Variants in STK3 observed in about 807,000 individuals in gnomAD.
STK3 encodes serine/threonine kinase 3.
Under a neutral mutation model 58.0 loss-of-function variants are expected in STK3, and 41 were observed. The observed-to-expected ratio is 0.71, with a 90% CI of 0.55 to 0.92. The LOEUF (loss-of-function observed/expected upper bound fraction) is 0.92, where lower values mean the gene tolerates loss of function less well. Ranked by LOEUF, STK3 falls within the 40% of genes least tolerant of loss-of-function variation. The probability of loss-of-function intolerance (pLI) is 0.00; values close to 1 mark genes in which losing one functional copy is unlikely to be tolerated. For synonymous variants in STK3, 170 were observed against 191.0 expected (o/e 0.89, Z 0.91); for missense variants, 479 against 602.7 (o/e 0.79, Z 2.15).
chr8:98,658,945 T>A (rs1230331939), intron 6 of STK3, among the ~76,000 whole-genome samples: 1 of 152,102 alleles, frequency 6.6e-6, no homozygotes, highest in Non-Finnish European at 1.5e-5. Flanking sequence ...AACAACTGCA[T>A]TAACAACATT....
At chr8:98,500,236 A>G (rs1823466731) in intron 10 of STK3, among the ~76,000 whole-genome samples, 1 of 152,176 alleles carries the variant, frequency 6.6e-6, no homozygotes, top group Admixed American at 6.5e-5. Context: ...ACTGGCTTTG[A>G]AAATGGAAAA....
At chr8:98,440,724 A>G (rs1400868515) in intron 1 of STK3, among the ~76,000 whole-genome samples, 1 of 152,220 alleles carries the variant, frequency 6.6e-6, no homozygotes, top group Non-Finnish European at 1.5e-5. Context: ...TCTAAGGAGG[A>G]GGATGATGAT....
At chr8:98,426,169 A>C (rs960024862) in intron 3 of STK3, among the ~76,000 whole-genome samples, 3 of 152,076 alleles carry the variant, frequency 2.0e-5, no homozygotes, top group Admixed American at 6.5e-5. Flanking sequence ...CACCGCTCTC[A>C]ACATATTCCA....
chr8:98,730,296 C>A (rs979291191), intron 4 of STK3, among the ~76,000 whole-genome samples: 1 of 152,192 alleles, frequency 6.6e-6, no homozygotes, highest in Non-Finnish European at 1.5e-5. Context: ...TATCTTCAGT[C>A]TGGAATTTCT....
chr8:98,468,879 G>A (rs550639912), intron 10 of STK3, among the ~76,000 whole-genome samples: 1 of 152,148 alleles, frequency 6.6e-6, no homozygotes, highest in Non-Finnish European at 1.5e-5. Context: ...GGGAGGCTGA[G>A]GCAGGCGGAT....
At chr8:98,882,164 A>G (rs748759160), downstream of STK3, 1 of 152,194 alleles carries the variant, frequency 6.6e-6, no homozygotes, top group Non-Finnish European at 1.5e-5. Flanking sequence ...AAAATTGGGT[A>G]GTCATGAAAA....
chr8:98,449,851 A>G (rs145197565), downstream of STK3, among the ~76,000 whole-genome samples: 603 of 152,186 alleles, frequency 4.0e-3, 3 homozygotes, highest in African/African-American at 0.014. Context: ...GGCTATTCTA[A>G]AGAAAGATGT....
intron 10 of STK3, among the ~76,000 whole-genome samples, chr8:98,498,247 T>C (rs1481718038): frequency 1.3e-5 from 2 of 152,052 alleles, no homozygotes; most frequent in Non-Finnish European, 2.9e-5. Context: ...AAAATGCCTA[T>C]CATCAAGTTC....
At chr8:98,777,248 C>T (rs944089793) in intron 1 of STK3, among the ~76,000 whole-genome samples, 1 of 152,090 alleles carries the variant, frequency 6.6e-6, no homozygotes, top group African/African-American at 2.4e-5. Flanking sequence ...CAGAAATGGG[C>T]TGGGCACGGT....
chr8:98,830,969 CAAA>C (rs760622434), intron 3 of STK3, among the ~76,000 whole-genome samples: 8 of 59,902 alleles, frequency 1.3e-4, no homozygotes, highest in African/African-American at 4.2e-4. Flanking sequence ...GACTCTGTCT[CAAA>C]AAAAAAAAAA....
chr8:98,929,612 T>G (rs745721), intron 1 of STK3, among the ~76,000 whole-genome samples: 11,307 of 152,240 alleles, frequency 0.074, 637 homozygotes, highest in African/African-American at 0.16. Context: ...ATCACACTAC[T>G]GTACTCCATC....
intron 2 of STK3, among the ~76,000 whole-genome samples, chr8:98,770,933 T>TA (rs373228242): frequency 3.7e-4 from 56 of 151,620 alleles, no homozygotes; most frequent in Admixed American, 2.2e-3. Context: ...TAGCTTCATT[T>TA]AAAAAAAAAC....
chr8:98,618,282 C>G (rs916775891), intron 6 of STK3, among the ~76,000 whole-genome samples: 5 of 147,910 alleles, frequency 3.4e-5, no homozygotes, highest in Admixed American at 3.4e-4. Flanking sequence ...GCTAAAAACT[C>G]TCAATAAATT....
rs187520961 is a variant in STK3 at position 98,787,405 on chromosome 8, T to C, written c.27-12586A>G. 2.0e-3 allele frequency among the ~76,000 whole-genome samples: 302 copies of C among 151,802 alleles called. 2 individuals are homozygous for C. The highest frequency in any genetic ancestry group is 3.7e-3 in the Non-Finnish European group (250 of 67,954). On this transcript the variant is annotated intron_variant, in intron 1 of 10. Coordinates refer to ENST00000419617, the MANE Select transcript of STK3 (RefSeq NM_006281.4). ...ACAAAGGAAAAAGAATAAGAAAATA[T>C]GGACAAAGCCTCCAAGAAGTCTGGG...
intron 6 of STK3, among the ~76,000 whole-genome samples, chr8:98,684,420 G>A (rs1334881563): frequency 6.6e-6 from 1 of 152,046 alleles, no homozygotes; most frequent in Non-Finnish European, 1.5e-5. Flanking sequence ...ACAACTGCTC[G>A]ATCCTTCCAC....
At chr8:98,651,252 C>G (rs1179690777) in intron 6 of STK3, among the ~76,000 whole-genome samples, 1 of 152,192 alleles carries the variant, frequency 6.6e-6, no homozygotes, top group Non-Finnish European at 1.5e-5. Context: ...GGACCTCTAG[C>G]AAACTCCAAC....
At chr8:98,650,453 G>A (rs142258286) in intron 6 of STK3, among the ~76,000 whole-genome samples, 1,744 of 152,328 alleles carry the variant, frequency 0.011, 34 homozygotes, top group African/African-American at 0.04. Context: ...CTGAGGTACC[G>A]GGTTCACCTC....
At chr8:98,381,295 AT>A (rs1817730994) in intron 1 of STK3, among the ~76,000 whole-genome samples, 1 of 151,990 alleles carries the variant, frequency 6.6e-6, no homozygotes, top group South Asian at 2.1e-4. Context: ...TAATTTTACC[AT>A]TTTGTTGACC....
At chr8:98,815,369 CAGGATATTAGTTATT>C (rs1369988491) in intron 1 of STK3, among the ~76,000 whole-genome samples, 1 of 152,114 alleles carries the variant, frequency 6.6e-6, no homozygotes, top group Non-Finnish European at 1.5e-5. Flanking sequence ...TTAAAAATAA[CAGGATATTAGTTATT>C]AGGATATTAG....
Sources: gnomAD v4.1 joint callset for allele counts (sites outside exome capture counted in the v4.1 genomes callset) on GRCh38, gnomAD v4.1.1 for gene constraint, MANE v1.5 for transcripts, NCBI Gene and HGNC (gene_info 2026-07-23, HGNC 2026-07-21) for gene names.